Variants in CBLIF observed in about 807,000 individuals in gnomAD.
The protein encoded by CBLIF is gastric intrinsic factor (vitamin B synthesis).
CBLIF carries 24 observed loss-of-function variants against 44.9 expected under a neutral mutation model. That is an observed-to-expected ratio of 0.53 (90% CI 0.39 to 0.75). The LOEUF (loss-of-function observed/expected upper bound fraction) is 0.75, where lower values mean the gene tolerates loss of function less well. Among genes scored for constraint, CBLIF ranks in the 30% least tolerant of loss-of-function variants. CBLIF has a pLI of 0.00. For missense variants in CBLIF, 481 were observed against 513.0 expected (o/e 0.94, Z 0.60); for synonymous variants, 183 against 190.9 (o/e 0.96, Z 0.34).
At position 59,831,769 on chromosome 11, in the gene CBLIF, G is replaced by A; in HGVS notation, c.1101C>T (p.Gly367=). Residue 367 remains glycine (G), a synonymous_variant, in exon 8 of 9, where the codon GGC becomes GGT. Coordinates refer to ENST00000257248, the MANE Select transcript of CBLIF (RefSeq NM_005142.3). The part of the protein sequence containing the change: ...FKFETTMTSW[G]LVVSSINNIA... ...TATTGTTGATAGAAGAGACGACAAG[G>A]CCCCAAGATGTCATTGTGGTTTCAA... 6.3e-7 allele frequency: 1 copy of A among 1,598,620 alleles called. No individual in the cohort carries two copies. The highest frequency in any genetic ancestry group is 8.6e-7 in the Non-Finnish European group (1 of 1,165,992).
rs776522563 is a variant in CBLIF, at chr11:59,831,893, A to G, written c.1074-97T>C. 24 of 727,938 alleles carry G rather than the reference A, an allele frequency of 3.3e-5. 1 individual carries two copies. Among genetic ancestry groups the G allele is most frequent in the Non-Finnish European group, 4.6e-5 (18 of 394,466 alleles). The allele number at this position is 727,938 out of a possible 1,614,324, so 45.1% of individuals were successfully genotyped here. A position where few individuals can be genotyped will look rare whatever the true frequency, so the allele number is the denominator to read the frequency against. On this transcript the variant is annotated intron_variant, in intron 7 of 8. Coordinates refer to ENST00000257248, the MANE Select transcript of CBLIF (RefSeq NM_005142.3). The stretch of plus-strand genomic sequence containing the variant: ...AGACAGTCAATTAATTAATTAGTTA[A>G]TTAATTTTTTAGAGACAAGGTGTGA...
intron 5 of CBLIF, among the ~76,000 whole-genome samples, chr11:59,837,715 A>C (rs112769346): frequency 2.5e-4 from 38 of 152,290 alleles, no homozygotes; most frequent in African/African-American, 8.2e-4. Context: ...CCCTTGTTTC[A>C]TATTGCCATG....
intron 1 of CBLIF, chr11:59,845,164 C>T: frequency 1.6e-6 from 1 of 608,776 alleles, no homozygotes; most frequent in Admixed American, 2.2e-5. Context: ...CACCTGGCCC[C>T]ATCTCTCTTA....
chr11:59,842,430 G>A lies in CBLIF; in HGVS notation c.511+13C>T, dbSNP rs761858524. The A allele has an allele frequency of 1.2e-6, 2 of 1,613,296 alleles. No homozygotes were observed. The highest frequency in any genetic ancestry group is 1.7e-6 in the Non-Finnish European group (2 of 1,179,880). On this transcript the variant is annotated intron_variant, in intron 4 of 8. Coordinates refer to ENST00000257248, the MANE Select transcript of CBLIF (RefSeq NM_005142.3). ...CTGATGTTCCCAGCTCGGGGTAGTG[G>A]TGACCTACTCACCTACATTGAAGGG...
At chr11:59,841,467 A>T in intron 4 of CBLIF, 143 bp from the exon 5 acceptor site, 1 of 702,638 alleles carries the variant, frequency 1.4e-6, no homozygotes, top group Non-Finnish European at 2.6e-6. Flanking sequence ...ACCTGTAATC[A>T]TCTCCATTTA....
intron 1 of CBLIF, 63 bp downstream of exon 1, chr11:59,845,312 G>A (rs1310475364): frequency 1.2e-6 from 2 of 1,606,716 alleles, no homozygotes; most frequent in Admixed American, 1.7e-5. Flanking sequence ...CAGTGTCAGA[G>A]GTCACAGCCC....
intron 4 of CBLIF, 36 bp downstream of exon 4, chr11:59,842,407 G>A: frequency 1.9e-6 from 3 of 1,610,940 alleles, no homozygotes; most frequent in Non-Finnish European, 2.5e-6. Context: ...CGATGCCTCT[G>A]ATGTTCCCAG....
At chr11:59,830,395 C>A (rs1242626326) in intron 8 of CBLIF, among the ~76,000 whole-genome samples, 1 of 151,914 alleles carries the variant, frequency 6.6e-6, no homozygotes, top group Non-Finnish European at 1.5e-5. Flanking sequence ...CGCCACCACG[C>A]CTGACTAATT....
In CBLIF at chr11:59,829,527, G is replaced by A; in HGVS notation, c.1211C>T (p.Pro404Leu). Reference sequence around the variant, plus strand: ...GGCTGTGATGTGCTCGTGGTTGAAGGGTATGTAGTCAGCAACCCCTGGAAA... The same window carrying A: ...GGCTGTGATGTGCTCGTGGTTGAAGAGTATGTAGTCAGCAACCCCTGGAAA... ...PLNEGVADYIPFNHEHITANF... is the reference protein window; with the variant it reads ...PLNEGVADYILFNHEHITANF... The change falls in exon 9 of 9, where the codon CCC (proline) becomes CTC (leucine). Residue 404 changes from proline to leucine, a missense_variant. Transcript: ENST00000257248. The A allele has an allele frequency of 6.2e-7, 1 of 1,609,862 alleles. No individual in the cohort carries two copies. The highest frequency in any genetic ancestry group is 1.1e-5 in the South Asian group (1 of 90,974).
intron 5 of CBLIF, among the ~76,000 whole-genome samples, chr11:59,839,353 T>C (rs1866494284): frequency 6.6e-6 from 1 of 152,250 alleles, no homozygotes; most frequent in Non-Finnish European, 1.5e-5. Context: ...TTTACTAGCA[T>C]CACTGCTCTG....
Position 59,835,872 on chromosome 11 carries a change from C to A in CBLIF, c.1009G>T (p.Val337Leu), listed in dbSNP as rs772847173. 6.2e-7 allele frequency: 1 copy of A among 1,614,034 alleles called. No individual in the cohort carries two copies. The highest frequency in any genetic ancestry group is 1.3e-5 in the African/African-American group (1 of 74,922). The change falls in exon 7 of 9, where the codon GTG becomes TTG. Residue 337 changes from valine to leucine, a missense_variant. Coordinates refer to ENST00000257248, the MANE Select transcript of CBLIF (RefSeq NM_005142.3). ...ACAAGTAACACTGACCCACTTTTCA[C>A]ACTAACATTGATGGTCTCGTTGAAG... ...LLFNETINVS[V>L]KSGSVLLVVL...
intron 1 of CBLIF, 27 bp from the exon 2 acceptor site, chr11:59,844,082 C>T (rs1866575912): frequency 1.3e-6 from 2 of 1,552,846 alleles, no homozygotes; most frequent in Admixed American, 3.3e-5. Flanking sequence ...CATTTACTCA[C>T]CTTCTAACCC....
intron 2 of CBLIF, 133 bp from the exon 3 acceptor site, chr11:59,843,274 G>A: frequency 1.5e-6 from 1 of 680,214 alleles, no homozygotes; most frequent in Non-Finnish European, 2.7e-6. Flanking sequence ...TCTTTGATCT[G>A]TCTTTCCAAA....
At chr11:59,832,599 G>C (rs1298580916) in intron 7 of CBLIF, among the ~76,000 whole-genome samples, 2 of 151,918 alleles carry the variant, frequency 1.3e-5, no homozygotes, top group African/African-American at 2.4e-5. Context: ...ACCAGCCTTG[G>C]CAATATAGTG....
intron 8 of CBLIF, among the ~76,000 whole-genome samples, chr11:59,831,278 G>T (rs998707028): frequency 3.3e-5 from 5 of 152,126 alleles, no homozygotes; most frequent in African/African-American, 1.2e-4. Flanking sequence ...TAAGAGAGAA[G>T]GTGAAGCATA....
At chr11:59,838,557 T>C (rs906509343) in intron 5 of CBLIF, among the ~76,000 whole-genome samples, 2 of 152,128 alleles carry the variant, frequency 1.3e-5, no homozygotes, top group African/African-American at 4.8e-5. Flanking sequence ...AACTGGGCAG[T>C]TGTGACAGGG....
At chr11:59,830,988 C>T (rs1866366767) in intron 8 of CBLIF, among the ~76,000 whole-genome samples, 1 of 152,140 alleles carries the variant, frequency 6.6e-6, no homozygotes, top group South Asian at 2.1e-4. Flanking sequence ...GCATCTTTAC[C>T]AACCTATAGC....
intron 1 of CBLIF, among the ~76,000 whole-genome samples, chr11:59,844,341 T>C (rs1164647685): frequency 6.6e-6 from 1 of 152,152 alleles, no homozygotes; most frequent in Non-Finnish European, 1.5e-5. Flanking sequence ...TTTCACCATG[T>C]TGGCCAGGGT....
Position 59,845,454 on chromosome 11 carries a change from C to T in CBLIF, c.-1G>A, listed in dbSNP as rs750028329. ...GGAGGTAGAGGGCAAACCAGGCCAT[C>T]TCACTCTCTCGTCTATGTCTCTCAT... On this transcript the variant is annotated 5_prime_UTR_variant, in exon 1 of 9. Coordinates refer to ENST00000257248, the MANE Select transcript of CBLIF (RefSeq NM_005142.3). The T allele has an allele frequency of 5.6e-5, 89 of 1,600,566 alleles. No homozygotes were observed. The highest frequency in any genetic ancestry group is 7.5e-5 in the Non-Finnish European group (88 of 1,167,998).
Sources: gnomAD v4.1 joint callset for allele counts (sites outside exome capture counted in the v4.1 genomes callset) on GRCh38, gnomAD v4.1.1 for gene constraint, MANE v1.5 for transcripts, NCBI Gene and HGNC (gene_info 2026-07-23, HGNC 2026-07-21) for gene names.